Variants in UBR1 observed in about 807,000 individuals in gnomAD.
UBR1 encodes the protein ubiquitin protein ligase E3 component n-recognin 1.
Under a neutral mutation model 242.1 loss-of-function variants are expected in UBR1, and 102 were observed. That is an observed-to-expected ratio of 0.42 (90% CI 0.36 to 0.50). UBR1 has a LOEUF of 0.50. UBR1 is among the 20% of genes least tolerant of loss of function. The pLI, the probability that UBR1 is intolerant of heterozygous loss-of-function variation, is 0.01. For synonymous variants in UBR1, 675 were observed against 684.8 expected (o/e 0.99, Z 0.22); for missense variants, 1,772 against 2,101.8 (o/e 0.84, Z 3.07).
chr15:43,078,088 C>CAG (rs1199964519), intron 3 of UBR1, among the ~76,000 whole-genome samples: 1 of 152,142 alleles, frequency 6.6e-6, no homozygotes, highest in Non-Finnish European at 1.5e-5. Flanking sequence ...TGAAAAAGTA[C>CAG]AGAGGTGCAG....
chr15:43,019,306 C>T (rs181191277), intron 27 of UBR1, among the ~76,000 whole-genome samples: 166 of 152,084 alleles, frequency 1.1e-3, no homozygotes, highest in African/African-American at 4.0e-3. Flanking sequence ...CTCGTGACCC[C>T]GCCGCCTCAG....
At chr15:42,949,480 A>AT (rs2141248035) in intron 46 of UBR1, among the ~76,000 whole-genome samples, 1 of 152,094 alleles carries the variant, frequency 6.6e-6, no homozygotes, top group African/African-American at 2.4e-5. Flanking sequence ...ATGACATCAT[A>AT]TTTTTTAAAT....
At chr15:43,028,571 C>G (rs535180844) in intron 21 of UBR1, among the ~76,000 whole-genome samples, 95 of 149,830 alleles carry the variant, frequency 6.3e-4, no homozygotes, top group African/African-American at 2.3e-3. Flanking sequence ...ATAGTGAAAC[C>G]CTGTCTCTAC....
intron 37 of UBR1, among the ~76,000 whole-genome samples, chr15:42,978,687 G>A (rs2032326145): frequency 6.6e-6 from 1 of 151,680 alleles, no homozygotes; most frequent in Admixed American, 6.6e-5. Context: ...AAAAATGAGG[G>A]AGAAGACTCT....
intron 17 of UBR1, 128 bp from the exon 18 acceptor site, chr15:43,036,721 G>C: frequency 4.6e-6 from 3 of 648,914 alleles, no homozygotes; most frequent in Non-Finnish European, 5.5e-6. Context: ...GCAAAAATAA[G>C]TTGTAAATCT....
intron 33 of UBR1, among the ~76,000 whole-genome samples, 178 bp from the exon 34 acceptor site, chr15:42,990,298 G>A (rs550098002): frequency 5.3e-5 from 8 of 152,024 alleles, no homozygotes; most frequent in East Asian, 1.9e-4. Context: ...CCCAATCTCC[G>A]CCTCCCAAGT....
At chr15:43,007,769 A>T (rs141877767) in intron 29 of UBR1, among the ~76,000 whole-genome samples, 1 of 152,310 alleles carries the variant, frequency 6.6e-6, no homozygotes, top group Non-Finnish European at 1.5e-5. Context: ...ATCCTGCTCT[A>T]TTCACTTATA....
intron 30 of UBR1, among the ~76,000 whole-genome samples, chr15:43,005,286 A>T (rs1319604635): frequency 1.5e-5 from 2 of 131,616 alleles, no homozygotes; most frequent in Non-Finnish European, 1.6e-5. Flanking sequence ...TCCGGGAGGG[A>T]GGTGGGGGGC....
chr15:43,067,193 T>A (rs1264038454), intron 6 of UBR1, among the ~76,000 whole-genome samples: 2 of 152,254 alleles, frequency 1.3e-5, no homozygotes, highest in Non-Finnish European at 2.9e-5. Context: ...ACTTCATAAA[T>A]GTTAGCTATT....
intron 14 of UBR1, among the ~76,000 whole-genome samples, chr15:43,044,203 A>G (rs911760622): frequency 1.3e-5 from 2 of 152,272 alleles, no homozygotes; most frequent in Admixed American, 1.3e-4. Context: ...GCATGTGAAT[A>G]CACTGATGGA....
At chr15:43,000,940 T>C (rs2032713992) in intron 32 of UBR1, among the ~76,000 whole-genome samples, 1 of 152,040 alleles carries the variant, frequency 6.6e-6, no homozygotes, top group Admixed American at 6.6e-5. Flanking sequence ...TTCAAGCAAT[T>C]TTCGTGCCTC....
At chr15:42,951,079 T>C (rs1170852878) in intron 45 of UBR1, among the ~76,000 whole-genome samples, 2 of 152,330 alleles carry the variant, frequency 1.3e-5, no homozygotes, top group Middle Eastern at 3.4e-3. Flanking sequence ...AATGATTACA[T>C]ATTTCACAGT....
intron 29 of UBR1, among the ~76,000 whole-genome samples, chr15:43,014,617 G>A (rs1475047147): frequency 6.6e-6 from 1 of 150,694 alleles, no homozygotes; most frequent in Non-Finnish European, 1.5e-5. Context: ...CGCCCCGTCT[G>A]AGAAGTGAGG....
At chr15:42,986,377 A>G (rs924405306) in intron 35 of UBR1, among the ~76,000 whole-genome samples, 4 of 152,252 alleles carry the variant, frequency 2.6e-5, no homozygotes, top group Non-Finnish European at 5.9e-5. Flanking sequence ...ATAGAACCAC[A>G]TATGAAAAGA....
chr15:42,982,696 A>T (rs570645492), intron 37 of UBR1, among the ~76,000 whole-genome samples: 15 of 152,344 alleles, frequency 9.8e-5, no homozygotes, highest in South Asian at 2.1e-4. Flanking sequence ...TATTGGCTTC[A>T]ATAGATTTTC....
chr15:43,004,835 C>G (rs545780713), intron 30 of UBR1, among the ~76,000 whole-genome samples: 3 of 151,750 alleles, frequency 2.0e-5, no homozygotes, highest in South Asian at 2.1e-4. Flanking sequence ...TCTGCCTGGC[C>G]GCCCATCGTC....
chr15:42,962,435 G>A (rs922064836), intron 42 of UBR1, among the ~76,000 whole-genome samples: 8 of 152,088 alleles, frequency 5.3e-5, no homozygotes, highest in East Asian at 1.9e-4. Context: ...AAGAGCTGCC[G>A]TCACCATCAG....
At chr15:43,061,010 A>G (rs2033677502) in intron 6 of UBR1, among the ~76,000 whole-genome samples, 2 of 152,134 alleles carry the variant, frequency 1.3e-5, no homozygotes, top group Admixed American at 1.3e-4. Flanking sequence ...GGACAAGAAT[A>G]GTTACATAAA....
intron 33 of UBR1, among the ~76,000 whole-genome samples, chr15:42,992,496 T>G (rs1287439307): frequency 6.6e-6 from 1 of 152,234 alleles, no homozygotes; most frequent in Non-Finnish European, 1.5e-5. Flanking sequence ...AATGTTAGTT[T>G]TCAGAGCCTG....
Sources: allele counts gnomAD v4.1 joint callset (sites outside exome capture counted in the v4.1 genomes callset), GRCh38; gene constraint gnomAD v4.1.1; transcripts MANE v1.5; gene names NCBI Gene and HGNC (gene_info 2026-07-23, HGNC 2026-07-21).